Variants in ZNF236 observed in about 807,000 individuals in gnomAD.
ZNF236 encodes the protein regulated by glucose.
A neutral mutation model predicts 191.2 loss-of-function variants in ZNF236; 50 were observed. The observed-to-expected ratio is 0.26, with a 90% CI of 0.21 to 0.33. The LOEUF is 0.33. Ranked by LOEUF, ZNF236 falls within the 10% of genes least tolerant of loss-of-function variation. The probability of loss-of-function intolerance (pLI) is 1.00; values close to 1 mark genes in which losing one functional copy is unlikely to be tolerated. For synonymous variants in ZNF236, 907 were observed against 928.8 expected, an observed-to-expected ratio of 0.98 and a Z score of 0.43; for missense variants, 1,754 against 2,374.5, an observed-to-expected ratio of 0.74 and a Z score of 5.43.
intron 1 of ZNF236, among the ~76,000 whole-genome samples, chr18:76,845,091 T>G (rs1007066210): frequency 4.6e-5 from 7 of 152,232 alleles, no homozygotes; most frequent in Non-Finnish European, 8.8e-5. Context: ...TTATTCTATT[T>G]AGAATATTTA....
At chr18:76,850,822 C>T (rs979413947) in intron 2 of ZNF236, among the ~76,000 whole-genome samples, 6 of 151,602 alleles carry the variant, frequency 4.0e-5, no homozygotes, top group African/African-American at 1.2e-4. Context: ...AGGCTGGTCT[C>T]GAACTCCTGA....
At chr18:76,882,520 A>G (rs933495019) in intron 9 of ZNF236, among the ~76,000 whole-genome samples, 39 of 152,350 alleles carry the variant, frequency 2.6e-4, no homozygotes, top group African/African-American at 9.1e-4. Context: ...TGAAAAAGAC[A>G]GATTCCTGTG....
In ZNF236 at chr18:76,971,417, C is replaced by G. The variant is rs554733573; in HGVS notation, c.*3078C>G. ...GGGAGGCTCATCAAATGCCACTCTC[C>G]TCTTCCTGACAGTGTTCTGCTGGTG... On this transcript the variant is annotated 3_prime_UTR_variant, in exon 31 of 31. Transcript: ENST00000320610. Among the ~76,000 whole-genome samples, 78 of 152,318 alleles carry G rather than the reference C, an allele frequency of 5.1e-4. No homozygotes were observed. The highest frequency in any genetic ancestry group is 3.4e-3 in the Middle Eastern group (1 of 294).
At chr18:76,853,204 G>A (rs540623297) in intron 3 of ZNF236, among the ~76,000 whole-genome samples, 3 of 151,754 alleles carry the variant, frequency 2.0e-5, no homozygotes, top group East Asian at 1.9e-4. Context: ...ATAGCCTCCC[G>A]AATAGCTGGG....
At chr18:76,866,205 G>A (rs767994501) in intron 3 of ZNF236, among the ~76,000 whole-genome samples, 3 of 152,160 alleles carry the variant, frequency 2.0e-5, no homozygotes, top group Admixed American at 6.5e-5. Context: ...ACTTTCCCAC[G>A]GAAGACATTG....
intron 1 of ZNF236, among the ~76,000 whole-genome samples, chr18:76,843,192 G>C (rs893101059): frequency 2.0e-5 from 3 of 152,180 alleles, no homozygotes; most frequent in African/African-American, 7.2e-5. Context: ...TTTTGAGGTG[G>C]AGAGCATGAG....
At chr18:76,861,314 G>C (rs1347056714) in intron 3 of ZNF236, among the ~76,000 whole-genome samples, 1 of 152,148 alleles carries the variant, frequency 6.6e-6, no homozygotes, top group Non-Finnish European at 1.5e-5. Context: ...CTTTGCTTCT[G>C]AACCATGGTT....
intron 9 of ZNF236, among the ~76,000 whole-genome samples, chr18:76,894,646 A>G (rs17060020): frequency 0.024 from 3,640 of 152,206 alleles, 126 homozygotes; most frequent in African/African-American, 0.08. Context: ...AGTAGGCCCA[A>G]TAAATACTTA....
Position 76,905,264 on chromosome 18 carries a change from A to C in ZNF236, c.2146A>C (p.Lys716Gln). 1 of 1,614,210 alleles carries C rather than the reference A, an allele frequency of 6.2e-7. No homozygotes were observed. Residue 716 changes from lysine to glutamine, a missense_variant, in exon 13 of 31, where the codon AAG becomes CAG. By Grantham distance (53) the Lys-to-Gln change is moderately conservative. Coordinates refer to ENST00000320610, the MANE Select transcript of ZNF236 (RefSeq NM_001306089.2). Reference sequence around the variant, plus strand: ...AACACACACAGGACTGAAATCTTTCAAGTGTCTGATATGTAATGGGGCTTT... The same window carrying C: ...AACACACACAGGACTGAAATCTTTCCAGTGTCTGATATGTAATGGGGCTTT... ...IRTHTGLKSF[K>Q]CLICNGAFTT...
intron 3 of ZNF236, among the ~76,000 whole-genome samples, chr18:76,857,213 C>T (rs1976066690): frequency 6.6e-6 from 1 of 152,188 alleles, no homozygotes; most frequent in Non-Finnish European, 1.5e-5. Context: ...CCTTCTCTCC[C>T]AGGACCCAGC....
intron 30 of ZNF236, among the ~76,000 whole-genome samples, chr18:76,964,913 T>C (rs532048723): frequency 1.3e-5 from 2 of 152,332 alleles, no homozygotes; most frequent in East Asian, 3.9e-4. Flanking sequence ...GCTTCTTGTA[T>C]TTGGATGTCT....
At position 76,905,545 on chromosome 18, in the gene ZNF236, GAAAAAAA is replaced by G. The variant is rs1159878664; in HGVS notation, c.2297+149_2297+155del. 3.2e-3 allele frequency: 218 copies of G among 67,942 alleles called. 1 individual carries two copies. The highest frequency in any genetic ancestry group is 6.7e-3 in the African/African-American group (167 of 24,936). The allele number at this position is 67,942 out of a possible 1,614,324, so 4.2% of individuals were successfully genotyped here. Reference sequence around the variant, plus strand: ...TCTAGCTCATACTATATGGGCTCAAGAAAAAAAAAAAAAAAAAAAAAAAAAGAAATGT... The same window carrying G: ...TCTAGCTCATACTATATGGGCTCAAGAAAAAAAAAAAAAAAAAAGAAATGT... On this transcript the variant is annotated intron_variant, in intron 13 of 30. Transcript: ENST00000320610.
intron 16 of ZNF236, 42 bp from the exon 17 acceptor site, chr18:76,912,202 A>G: frequency 6.9e-7 from 1 of 1,439,844 alleles, no homozygotes; most frequent in South Asian, 1.2e-5. Flanking sequence ...GTTTATTCAC[A>G]GATATTCAAG....
chr18:76,909,378 C>G (rs1967154989), intron 14 of ZNF236, among the ~76,000 whole-genome samples: 1 of 150,862 alleles, frequency 6.6e-6, no homozygotes, highest in African/African-American at 2.4e-5. Flanking sequence ...TATTTTGTGA[C>G]CTTTTATCCC....
intron 1 of ZNF236, among the ~76,000 whole-genome samples, chr18:76,824,929 T>C (rs2122355141): frequency 6.6e-6 from 1 of 152,314 alleles, no homozygotes; most frequent in South Asian, 2.1e-4. Flanking sequence ...AATAAATCTG[T>C]CACTTGTCAG....
chr18:76,888,415 AAGTCAAGAAGGTG>A (rs1977125254), intron 9 of ZNF236: 1 of 152,304 alleles, frequency 6.6e-6, no homozygotes, highest in East Asian at 1.9e-4. Flanking sequence ...TCTGTAACAG[AAGTCAAGAAGGTG>A]AGTCAAGCTG....
At chr18:76,896,977 T>C (rs1977438515) in intron 10 of ZNF236, among the ~76,000 whole-genome samples, 1 of 148,836 alleles carries the variant, frequency 6.7e-6, no homozygotes, top group African/African-American at 2.5e-5. Flanking sequence ...CAGTACAACA[T>C]ACACAGTACT....
At chr18:76,951,935 A>T (rs958471945) in intron 27 of ZNF236, among the ~76,000 whole-genome samples, 4 of 152,254 alleles carry the variant, frequency 2.6e-5, no homozygotes, top group African/African-American at 9.6e-5. Flanking sequence ...TGGGATGGCC[A>T]GTTGGTGAAG....
rs774724993 is a variant in ZNF236 at position 76,858,174 on chromosome 18, G to GT, written c.363+6240dup. On this transcript the variant is annotated intron_variant, in intron 3 of 30. Coordinates refer to ENST00000320610, the MANE Select transcript of ZNF236 (RefSeq NM_001306089.2). ...TGTTGTTGCAACTAGCATATGCGCA[G>GT]TTTTTAAAAAAAAATCACCCTTATA... Among the ~76,000 whole-genome samples, 13 of 152,148 alleles carry GT rather than the reference G, an allele frequency of 8.5e-5. No individual in the cohort carries two copies. In the South Asian group the frequency reaches 1.9e-3, roughly 22 times the overall value.
Sources: gnomAD v4.1 joint callset for allele counts (sites outside exome capture counted in the v4.1 genomes callset) on GRCh38, gnomAD v4.1.1 for gene constraint, MANE v1.5 for transcripts, NCBI Gene and HGNC (gene_info 2026-07-23, HGNC 2026-07-21) for gene names.